DNAAF11: variants seen among roughly 807,000 people sequenced by gnomAD.
The protein encoded by DNAAF11 is dynein axonemal assembly factor 11.
In DNAAF11, 45 loss-of-function variants were observed where a neutral mutation model predicts 60.8. The ratio of observed to expected loss-of-function variants is 0.74; its 90% CI spans 0.58 to 0.95. The LOEUF is 0.95. Ranked by LOEUF, DNAAF11 falls within the 40% of genes least tolerant of loss-of-function variation. The pLI, the probability that DNAAF11 is intolerant of heterozygous loss-of-function variation, is 0.00. For missense variants in DNAAF11, 546 were observed against 546.2 expected (o/e 1.00, Z 0.00); for synonymous variants, 191 against 183.5 (o/e 1.04, Z -0.33).
the DNAAF11 span, among the ~76,000 whole-genome samples, chr8:132,686,130 G>T: frequency 1.3e-5 from 2 of 152,200 alleles, no homozygotes; most frequent in African/African-American, 4.8e-5. Context: ...GCTTATTTGG[G>T]TAGTCAAAGA....
At position 132,675,465 on chromosome 8, in the gene DNAAF11, A is replaced by C; in HGVS notation, c.10+19T>G. 6.4e-7 allele frequency: 1 copy of C among 1,562,210 alleles called. No homozygotes were observed. Among genetic ancestry groups the C allele is most frequent in the African/African-American group, 1.4e-5 (1 of 72,232 alleles). ...CCACAAGGGGAACGATCGAGGACGG[A>C]AGGTGGAGGGGGGCTTACTCCAGCC... On this transcript the variant is annotated intron_variant, in intron 1 of 11. Coordinates refer to ENST00000620350, the MANE Select transcript of DNAAF11 (RefSeq NM_012472.6).
intron 10 of DNAAF11, among the ~76,000 whole-genome samples, chr8:132,593,332 CATATATATATATAT>C (rs60462067): frequency 1.5e-4 from 16 of 108,704 alleles, no homozygotes; most frequent in South Asian, 3.1e-4. Context: ...TATATACATA[CATATATATATATAT>C]ATATATATAT....
chr8:132,631,946 C>T (rs1820844119), intron 5 of DNAAF11, among the ~76,000 whole-genome samples: 1 of 151,600 alleles, frequency 6.6e-6, no homozygotes, highest in Admixed American at 6.6e-5. Context: ...AGCACACCAA[C>T]ATGGCACATG....
chr8:132,638,184 T>A, intron 3 of DNAAF11, 77 bp from the exon 4 acceptor site: 1 of 1,008,506 alleles, frequency 9.9e-7, no homozygotes, highest in Non-Finnish European at 1.5e-6. Flanking sequence ...TAACATCACA[T>A]AACAGAAGTA....
intron 11 of DNAAF11, among the ~76,000 whole-genome samples, chr8:132,581,361 C>G (rs1242334082): frequency 6.6e-6 from 1 of 151,936 alleles, no homozygotes; most frequent in Non-Finnish European, 1.5e-5. Context: ...ATTAAGAAGG[C>G]AAGTCTGGCT....
In DNAAF11 at chr8:132,632,834, C is replaced by A. The variant is rs1473710501; in HGVS notation, c.559G>T (p.Ala187Ser). 1 of 1,613,844 alleles carries A rather than the reference C, an allele frequency of 6.2e-7. No homozygotes were observed. The highest frequency in any genetic ancestry group is 8.5e-7 in the Non-Finnish European group (1 of 1,179,846). Residue 187 changes from alanine to serine, a missense_variant, in exon 5 of 12, where the codon GCT (alanine) becomes TCT (serine). Ala to Ser is a moderately conservative substitution (Grantham distance 99, BLOSUM62 1). Transcript: ENST00000620350. ...TCCTCTTCTTGGTGTTTCCTCTGAG[C>A]CTCTTCCTTGAGTTTGGCTCGTTTA... ...CLKRAKLKEE[A>S]QRKHQEEDKN...
chr8:132,617,780 C>A (rs1819327746), intron 7 of DNAAF11, among the ~76,000 whole-genome samples: 1 of 151,412 alleles, frequency 6.6e-6, no homozygotes, highest in Non-Finnish European at 1.5e-5. Context: ...CAAACCACTG[C>A]TCAAGGAAAT....
chr8:132,613,883 A>T (rs1818897556), intron 8 of DNAAF11, among the ~76,000 whole-genome samples: 1 of 152,236 alleles, frequency 6.6e-6, no homozygotes, highest in Admixed American at 6.5e-5. Flanking sequence ...TTAAAAAGAG[A>T]AAGGCATTTA....
intron 1 of DNAAF11, among the ~76,000 whole-genome samples, chr8:132,674,657 G>C (rs1366757919): frequency 6.6e-6 from 1 of 152,244 alleles, no homozygotes; most frequent in Non-Finnish European, 1.5e-5. Flanking sequence ...GAGAGGCCGA[G>C]GCGGGCGGAT....
Position 132,638,047 on chromosome 8 carries a change from A to C in DNAAF11, c.317T>G (p.Ile106Ser), listed in dbSNP as rs1821479887. Reference sequence around the variant, plus strand: ...ATGGATATTGTGCTGCAAGTTTTTAATGCTGCTCAGCTCTCCAATGAAATT... The same window carrying C: ...ATGGATATTGTGCTGCAAGTTTTTACTGCTGCTCAGCTCTCCAATGAAATT... The part of the protein sequence containing the change: ...TVNFIGELSS[I>S]KNLQHNIHLK... Residue 106 changes from isoleucine to serine, a missense_variant, in exon 4 of 12, where the codon ATT becomes AGT. By Grantham distance (142) the Ile-to-Ser change is moderately radical. Transcript: ENST00000620350. The C allele has an allele frequency of 6.2e-7, 1 of 1,614,044 alleles. No homozygotes were observed. The highest frequency in any genetic ancestry group is 8.5e-7 in the Non-Finnish European group (1 of 1,179,998).
chr8:132,574,755 C>T (rs747848888), intron 11 of DNAAF11, among the ~76,000 whole-genome samples: 3 of 152,132 alleles, frequency 2.0e-5, no homozygotes, highest in Non-Finnish European at 2.9e-5. Flanking sequence ...TTGTTGAGCC[C>T]CATGCTAAGG....
upstream of DNAAF11, among the ~76,000 whole-genome samples, chr8:132,680,048 A>G (rs1211778726): frequency 6.6e-6 from 1 of 152,170 alleles, no homozygotes; most frequent in African/African-American, 2.4e-5. Context: ...CCTCAACCCA[A>G]CATCACAGTC....
At chr8:132,614,912 C>A in intron 8 of DNAAF11, 126 bp downstream of exon 8, 2 of 554,382 alleles carry the variant, frequency 3.6e-6, no homozygotes, top group Non-Finnish European at 6.4e-6. Context: ...TCTGTCTTAA[C>A]AAATAAGCTT....
chr8:132,685,149 A>G, the DNAAF11 span: 1 of 152,222 alleles, frequency 6.6e-6, no homozygotes, highest in South Asian at 2.1e-4. Flanking sequence ...CATATCCACT[A>G]ATTTAATTTT....
intron 2 of DNAAF11, 39 bp from the exon 3 acceptor site, chr8:132,656,946 C>A: frequency 1.4e-6 from 1 of 718,424 alleles, no homozygotes; most frequent in South Asian, 1.7e-5. Context: ...AATTAATCTT[C>A]AAAATAAAGA....
intron 11 of DNAAF11, among the ~76,000 whole-genome samples, chr8:132,581,532 C>G (rs1179931500): frequency 6.6e-6 from 1 of 151,862 alleles, no homozygotes; most frequent in Non-Finnish European, 1.5e-5. Flanking sequence ...CACCAGTAGT[C>G]CCAGCTACTC....
At chr8:132,637,846 C>T in intron 4 of DNAAF11, 89 bp downstream of exon 4, 5 of 1,085,858 alleles carry the variant, frequency 4.6e-6, no homozygotes, top group Non-Finnish European at 5.3e-6. Flanking sequence ...TGAAGCAACA[C>T]ATTCACTGTT....
chr8:132,636,848 A>G (rs1175409262), intron 4 of DNAAF11, among the ~76,000 whole-genome samples: 3 of 152,242 alleles, frequency 2.0e-5, no homozygotes, highest in Admixed American at 2.0e-4. Flanking sequence ...ATTTTACATT[A>G]GAAGAAATGT....
At chr8:132,595,019 T>C (rs2131107127) in intron 10 of DNAAF11, among the ~76,000 whole-genome samples, 1 of 152,086 alleles carries the variant, frequency 6.6e-6, no homozygotes, top group Non-Finnish European at 1.5e-5. Context: ...CGGTCCACGT[T>C]TGCTTCCCCT....
Sources: gnomAD v4.1 joint callset for allele counts (sites outside exome capture counted in the v4.1 genomes callset) on GRCh38, gnomAD v4.1.1 for gene constraint, MANE v1.5 for transcripts, NCBI Gene and HGNC (gene_info 2026-07-23, HGNC 2026-07-21) for gene names.